Variants in SPAG16 observed in about 807,000 individuals in gnomAD.
SPAG16 encodes the protein sperm associated antigen 16.
In SPAG16, 86 loss-of-function variants were observed where a neutral mutation model predicts 80.4. The ratio of observed to expected loss-of-function variants is 1.07; its 90% confidence interval spans 0.90 to 1.28. The LOEUF is 1.28. Ranked by LOEUF, SPAG16 falls within the 50% of genes most tolerant of loss-of-function variation. The probability of loss-of-function intolerance (pLI) is 0.00; values close to 1 mark genes in which losing one functional copy is unlikely to be tolerated. For missense variants in SPAG16, 870 were observed against 765.3 expected, an observed-to-expected ratio of 1.14 and a Z score of -1.61; for synonymous variants, 294 against 265.9, an observed-to-expected ratio of 1.11 and a Z score of -1.03.
chr2:214,233,337 A>G (rs1046880440), intron 15 of SPAG16, among the ~76,000 whole-genome samples: 2 of 139,110 alleles, frequency 1.4e-5, no homozygotes, highest in Non-Finnish European at 3.1e-5. Context: ...CAGTAAAAAT[A>G]GATAATAATG....
intron 15 of SPAG16, among the ~76,000 whole-genome samples, chr2:214,245,545 T>G (rs1021815900): frequency 6.6e-6 from 1 of 152,322 alleles, no homozygotes; most frequent in South Asian, 2.1e-4. Flanking sequence ...GAGAAAGACT[T>G]GGAAATAGTC....
chr2:214,060,447 A>G lies in SPAG16; in HGVS notation c.1527+46370A>G, dbSNP rs369870285. 9.3e-4 allele frequency among the ~76,000 whole-genome samples: 141 copies of G among 152,348 alleles called. 2 individuals are homozygous for G. The South Asian group carries it at 0.022, about 24-fold the overall frequency. On this transcript the variant is annotated intron_variant, in intron 13 of 15. Coordinates refer to ENST00000331683, the MANE Select transcript of SPAG16 (RefSeq NM_024532.5). ...TAATTCAGTAAGATTATGGGTTACT[A>G]TAATGAATGTCCAAAAATAAAACAG...
chr2:213,673,341 T>A (rs2063897724), intron 10 of SPAG16, among the ~76,000 whole-genome samples: 2 of 152,186 alleles, frequency 1.3e-5, no homozygotes, highest in Admixed American at 6.6e-5. Context: ...ATATAGTCAT[T>A]ATAATGTTAC....
In SPAG16 at chr2:214,332,182, G is replaced by A. The variant is rs140847384; in HGVS notation, c.1721-77958G>A. On this transcript the variant is annotated intron_variant, in intron 15 of 15. Coordinates refer to ENST00000331683, the MANE Select transcript of SPAG16 (RefSeq NM_024532.5). ...CACAAGAATCACTTGAACCTGGGAG[G>A]TGGAGGTTGCAGTGAGCCAAGATCA... Among the ~76,000 whole-genome samples the A allele has an allele frequency of 3.6e-3, 554 of 152,316 alleles. 3 individuals are homozygous for A. The highest frequency in any genetic ancestry group is 0.012 in the African/African-American group (519 of 41,570).
intron 11 of SPAG16, among the ~76,000 whole-genome samples, chr2:213,873,829 T>G (rs948594472): frequency 6.6e-6 from 1 of 152,098 alleles, no homozygotes; most frequent in African/African-American, 2.4e-5. Flanking sequence ...AAATGCATCA[T>G]TAGGCAATTT....
At chr2:214,319,521 A>G (rs186471680) in intron 15 of SPAG16, among the ~76,000 whole-genome samples, 39 of 151,826 alleles carry the variant, frequency 2.6e-4, no homozygotes, top group African/African-American at 8.7e-4. Context: ...AAAAAAAACT[A>G]TAATAGGAAT....
At chr2:213,597,948 G>A (rs1473638076) in intron 10 of SPAG16, among the ~76,000 whole-genome samples, 1 of 152,084 alleles carries the variant, frequency 6.6e-6, no homozygotes, top group Non-Finnish European at 1.5e-5. Flanking sequence ...CTGAGAATCT[G>A]GCACATTTAA....
At chr2:214,407,593 C>T (rs958540809) in intron 15 of SPAG16, among the ~76,000 whole-genome samples, 7 of 152,054 alleles carry the variant, frequency 4.6e-5, no homozygotes, top group African/African-American at 1.4e-4. Context: ...TTTTTCATTG[C>T]CAATCACCAG....
At chr2:213,869,646 GTTT>G (rs3046049) in intron 11 of SPAG16, among the ~76,000 whole-genome samples, 2 of 92,044 alleles carry the variant, frequency 2.2e-5, no homozygotes, top group Admixed American at 1.1e-4. Flanking sequence ...GCTTTGAGTA[GTTT>G]TTTTTTTTTT....
intron 1 of SPAG16, among the ~76,000 whole-genome samples, chr2:213,293,370 G>C (rs2062373914): frequency 6.6e-6 from 1 of 152,178 alleles, no homozygotes; most frequent in Admixed American, 6.5e-5. Flanking sequence ...TCATGCTCTT[G>C]TGTAATCCTC....
At chr2:213,991,159 C>T (rs116796662) in intron 12 of SPAG16, among the ~76,000 whole-genome samples, 1 of 152,082 alleles carries the variant, frequency 6.6e-6, no homozygotes, top group African/African-American at 2.4e-5. Context: ...CCCTAGCCCC[C>T]ACTCCCCGTC....
At chr2:213,717,979 A>G (rs1034903330) in intron 10 of SPAG16, among the ~76,000 whole-genome samples, 4 of 152,134 alleles carry the variant, frequency 2.6e-5, no homozygotes, top group Non-Finnish European at 5.9e-5. Context: ...AATGGCAACA[A>G]TGCCAAAATT....
chr2:213,428,757 C>T (rs530293936), intron 9 of SPAG16, among the ~76,000 whole-genome samples: 3 of 152,164 alleles, frequency 2.0e-5, no homozygotes, highest in African/African-American at 7.2e-5. Context: ...CAACTTGCTC[C>T]CTTTATTGGG....
At chr2:213,692,549 C>G (rs2064984881) in intron 10 of SPAG16, among the ~76,000 whole-genome samples, 1 of 152,118 alleles carries the variant, frequency 6.6e-6, no homozygotes, top group South Asian at 2.1e-4. Context: ...GTGGCTCATG[C>G]TTGTAAATCC....
chr2:213,368,405 G>A (rs1272075983), intron 8 of SPAG16, among the ~76,000 whole-genome samples: 2 of 151,980 alleles, frequency 1.3e-5, no homozygotes, highest in African/African-American at 2.4e-5. Flanking sequence ...GTTATTGATG[G>A]GACTTATCTC....
At chr2:213,924,270 C>G (rs2078360052) in intron 11 of SPAG16, among the ~76,000 whole-genome samples, 1 of 152,220 alleles carries the variant, frequency 6.6e-6, no homozygotes, top group South Asian at 2.1e-4. Context: ...GGCTCTCTCC[C>G]TCAGTTTGGA....
chr2:213,918,090 C>T (rs948360057), intron 11 of SPAG16, among the ~76,000 whole-genome samples: 3 of 152,106 alleles, frequency 2.0e-5, no homozygotes, highest in Non-Finnish European at 1.5e-5. Context: ...TGTGTATGTT[C>T]AACCGAGCTT....
intron 10 of SPAG16, among the ~76,000 whole-genome samples, chr2:213,626,801 C>T (rs139078961): frequency 1.7e-3 from 251 of 152,038 alleles, no homozygotes; most frequent in African/African-American, 5.8e-3. Flanking sequence ...GTGCATGCCA[C>T]CACACCTGGC....
chr2:213,690,907 A>G (rs927423007), intron 10 of SPAG16, among the ~76,000 whole-genome samples: 3 of 152,144 alleles, frequency 2.0e-5, no homozygotes, highest in Non-Finnish European at 4.4e-5. Context: ...AAACTGAGCT[A>G]TGCTACTGGC....
Sources: allele counts gnomAD v4.1 joint callset (sites outside exome capture counted in the v4.1 genomes callset), GRCh38; gene constraint gnomAD v4.1.1; transcripts MANE v1.5; gene names NCBI Gene and HGNC (gene_info 2026-07-23, HGNC 2026-07-21).